Variants in MYT1L observed in about 807,000 individuals in gnomAD.
The protein encoded by MYT1L is myelin transcription factor 1 like, also known as myelin transcription factor 1-like protein.
Under a neutral mutation model 126.7 loss-of-function variants are expected in MYT1L, and 12 were observed. The ratio of observed to expected loss-of-function variants is 0.09; its 90% CI spans 0.06 to 0.15. MYT1L has a LOEUF of 0.15. Among genes scored for constraint, MYT1L ranks in the 10% least tolerant of loss-of-function variants. MYT1L has a pLI of 1.00. For missense variants in MYT1L, 979 were observed against 1,585.2 expected (o/e 0.62, Z 6.49); for synonymous variants, 541 against 604.2 (o/e 0.90, Z 1.53).
intron 13 of MYT1L, among the ~76,000 whole-genome samples, chr2:1,909,496 C>T (rs1270078075): frequency 1.3e-5 from 2 of 152,230 alleles, no homozygotes; most frequent in Admixed American, 6.5e-5. Flanking sequence ...GGATATGTGA[C>T]AATTGTCATA....
At chr2:2,249,182 A>C (rs578238896) in intron 2 of MYT1L, among the ~76,000 whole-genome samples, 1 of 152,146 alleles carries the variant, frequency 6.6e-6, no homozygotes, top group Non-Finnish European at 1.5e-5. Flanking sequence ...TGCAGGATAC[A>C]AAATTAACAT....
chr2:1,820,046 G>A (rs368618937), intron 21 of MYT1L, among the ~76,000 whole-genome samples: 1 of 151,830 alleles, frequency 6.6e-6, no homozygotes, highest in Non-Finnish European at 1.5e-5. Context: ...GGGGGCCAGC[G>A]AGGAAGCTGG....
intron 18 of MYT1L, among the ~76,000 whole-genome samples, chr2:1,860,087 G>C (rs1246763627): frequency 6.6e-6 from 1 of 152,174 alleles, no homozygotes; most frequent in East Asian, 1.9e-4. Context: ...TGCCAACACT[G>C]CGAACCGCTG....
intron 4 of MYT1L, among the ~76,000 whole-genome samples, chr2:2,005,248 G>GTTCTTTCCTGCATGCT (rs1466185052): frequency 7.1e-6 from 1 of 140,618 alleles, no homozygotes; most frequent in South Asian, 2.4e-4. Context: ...TCCTGCAGGC[G>GTTCTTTCCTGCATGCT]TTCTTTCCTG....
chr2:2,169,717 C>T (rs111728389), intron 3 of MYT1L, among the ~76,000 whole-genome samples: 23 of 152,256 alleles, frequency 1.5e-4, no homozygotes, highest in Admixed American at 2.6e-4. Flanking sequence ...CCACCCCACC[C>T]GGTTGTGTGG....
intron 1 of MYT1L, among the ~76,000 whole-genome samples, chr2:2,288,679 G>T (rs1451649737): frequency 6.6e-6 from 1 of 152,166 alleles, no homozygotes; most frequent in Non-Finnish European, 1.5e-5. Flanking sequence ...ACTGGAAAAT[G>T]TAATATCACA....
intron 3 of MYT1L, among the ~76,000 whole-genome samples, chr2:2,055,714 A>G (rs1417136976): frequency 6.6e-6 from 1 of 152,244 alleles, no homozygotes; most frequent in African/African-American, 2.4e-5. Flanking sequence ...ATTAATAATC[A>G]AAGCCACTCT....
chr2:2,305,427 C>T (rs2095845079), intron 1 of MYT1L, among the ~76,000 whole-genome samples: 1 of 152,158 alleles, frequency 6.6e-6, no homozygotes. Context: ...AAAAAGTTAA[C>T]TTGTATTAAA....
At position 2,228,468 on chromosome 2, in the gene MYT1L, A is replaced by G. The variant is rs2094074401; in HGVS notation, c.-420-55480T>C. The stretch of plus-strand genomic sequence containing the variant: ...ATACTGTTATCTAATTAAATAGTTA[A>G]GATTTTTGCTGAAATCAGCAAGACA... On this transcript the variant is annotated intron_variant, in intron 2 of 24. Coordinates refer to ENST00000647738, the MANE Select transcript of MYT1L (RefSeq NM_001303052.2). This position sits in a 1 kb window ranked among gnomAD's most constrained non-coding sequence, Gnocchi z 5.9. 6.6e-6 allele frequency among the ~76,000 whole-genome samples: 1 copy of G among 152,222 alleles called. No homozygotes were observed. Among genetic ancestry groups the G allele is most frequent in the African/African-American group, 2.4e-5 (1 of 41,474 alleles).
intron 2 of MYT1L, among the ~76,000 whole-genome samples, chr2:2,185,986 G>A (rs1486555286): frequency 9.1e-6 from 1 of 109,656 alleles, no homozygotes; most frequent in Non-Finnish European, 1.8e-5. Context: ...TCCTTGAGGG[G>A]GACGCAGCCA....
intron 18 of MYT1L, among the ~76,000 whole-genome samples, chr2:1,862,569 T>C (rs62114749): frequency 0.042 from 6,453 of 152,314 alleles, 179 homozygotes; most frequent in South Asian, 0.096. Flanking sequence ...TTCCAGGTCA[T>C]ATAAAATTGA....
intron 5 of MYT1L, among the ~76,000 whole-genome samples, chr2:1,995,633 G>A (rs1369130787): frequency 6.6e-6 from 1 of 152,196 alleles, no homozygotes; most frequent in African/African-American, 2.4e-5. Flanking sequence ...ACTGCTGCCG[G>A]GTAGTGGTTG....
chr2:2,269,386 G>A (rs2095213943), intron 2 of MYT1L, among the ~76,000 whole-genome samples: 1 of 152,174 alleles, frequency 6.6e-6, no homozygotes. Flanking sequence ...CACCGCAATA[G>A]CATCTCTCAG....
At chr2:2,324,213 A>C (rs1280260652) in intron 1 of MYT1L, 1 of 152,150 alleles carries the variant, frequency 6.6e-6, no homozygotes, top group African/African-American at 2.4e-5. Context: ...TTGCAAAACA[A>C]AGTCGTCCCA....
chr2:1,866,622 GCAGAGGGA>G (rs1255586766), intron 18 of MYT1L, among the ~76,000 whole-genome samples: 1 of 84,784 alleles, frequency 1.2e-5, no homozygotes, highest in African/African-American at 5.8e-5. Context: ...AGAGAGAGAG[GCAGAGGGA>G]GAGGGAGGGA....
chr2:2,168,527 C>T (rs77682389), intron 3 of MYT1L, among the ~76,000 whole-genome samples: 207 of 152,252 alleles, frequency 1.4e-3, no homozygotes, highest in African/African-American at 4.7e-3. Context: ...AGTAAGGTAA[C>T]GCACTCATCC....
rs116015449 is a variant in MYT1L, at chr2:1,924,997, T to C, written c.506-1734A>G. 6.7e-3 allele frequency among the ~76,000 whole-genome samples: 1,021 copies of C among 152,286 alleles called. 2 individuals carry two copies. The highest frequency in any genetic ancestry group is 0.011 in the Non-Finnish European group (755 of 68,012). On this transcript the variant is annotated intron_variant, in intron 9 of 24. Transcript: ENST00000647738. ...TTCATGGGCTGTGATTACAGAAGTT[T>C]CCTCAGAATAACCAAGCTGTGTTAC...
chr2:1,864,886 C>A (rs2045251671), intron 18 of MYT1L, among the ~76,000 whole-genome samples: 1 of 152,168 alleles, frequency 6.6e-6, no homozygotes, highest in African/African-American at 2.4e-5. Context: ...GAGGGGTTGG[C>A]CTGTTCCAAG....
chr2:1,948,576 G>A (rs2057450996), intron 8 of MYT1L, among the ~76,000 whole-genome samples: 1 of 152,238 alleles, frequency 6.6e-6, no homozygotes, highest in Admixed American at 6.5e-5. Context: ...TGGGGAGTGT[G>A]TATCCTCCTG....
Sources: allele counts gnomAD v4.1 joint callset (sites outside exome capture counted in the v4.1 genomes callset), GRCh38; gene constraint gnomAD v4.1.1; non-coding constraint Gnocchi (gnomAD v3.1); transcripts MANE v1.5; gene names NCBI Gene and HGNC (gene_info 2026-07-23, HGNC 2026-07-21).